Variants in ZNF558 observed in about 807,000 individuals in gnomAD.
ZNF558 encodes the protein zinc finger protein 558.
In ZNF558, 23 loss-of-function variants were observed where a neutral mutation model predicts 37.6. The observed-to-expected ratio is 0.61, with a 90% confidence interval of 0.44 to 0.87. ZNF558 has a LOEUF of 0.87. ZNF558 is among the 40% of genes least tolerant of loss of function. ZNF558 has a pLI of 0.00. For missense variants in ZNF558, 429 were observed against 483.7 expected, an observed-to-expected ratio of 0.89 and a Z score of 1.06; for synonymous variants, 189 against 174.4, an observed-to-expected ratio of 1.08 and a Z score of -0.66.
chr19:8,825,821 G>T (rs112635457), intron 2 of ZNF558, among the ~76,000 whole-genome samples: 135 of 152,216 alleles, frequency 8.9e-4, no homozygotes, highest in African/African-American at 3.1e-3. Context: ...CCCAAGAAAG[G>T]GGTCTGTGTT....
chr19:8,821,617 T>A, intron 6 of ZNF558: 1 of 1,338,320 alleles, frequency 7.5e-7, no homozygotes, highest in Non-Finnish European at 9.6e-7. Flanking sequence ...GGAGCTCCTG[T>A]GATCTTATTT....
chr19:8,828,898 C>T (rs1051634259), intron 2 of ZNF558, among the ~76,000 whole-genome samples: 9 of 149,590 alleles, frequency 6.0e-5, no homozygotes, highest in East Asian at 2.0e-4. Context: ...GGGAGGCAGA[C>T]GTTGCAGTGA....
intron 9 of ZNF558, 48 bp downstream of exon 9, chr19:8,812,513 G>T: frequency 7.6e-7 from 1 of 1,314,598 alleles, no homozygotes; most frequent in African/African-American, 1.5e-5. Flanking sequence ...CTAAACTTAA[G>T]GCATTCTCCT....
chr19:8,821,813 T>A lies in ZNF558; in HGVS notation c.120+190A>T, dbSNP rs1414218579. Reference sequence around the variant, plus strand: ...TGTACTCAGGGACCCTGGAGGGAGCTCTGAACCTGCAGTAAATGTTGACAC... The same window carrying A: ...TGTACTCAGGGACCCTGGAGGGAGCACTGAACCTGCAGTAAATGTTGACAC... On this transcript the variant is annotated intron_variant, in intron 6 of 9. Coordinates refer to ENST00000601372, the MANE Select transcript of ZNF558 (RefSeq NM_144693.3). The A allele has an allele frequency of 4.2e-6, 6 of 1,421,914 alleles. No homozygotes were observed. The African/African-American group carries it at 7.2e-5, about 17-fold the overall frequency. The allele number at this position is 1,421,914 out of a possible 1,614,324, so 88.1% of individuals were successfully genotyped here. A position where few individuals can be genotyped will look rare whatever the true frequency, so the allele number is the denominator to read the frequency against.
At chr19:8,827,039 A>G (rs1568476179) in intron 2 of ZNF558, among the ~76,000 whole-genome samples, 1 of 152,110 alleles carries the variant, frequency 6.6e-6, no homozygotes, top group African/African-American at 2.4e-5. Flanking sequence ...GGCCTCCAAG[A>G]AAAAAACAAG....
At position 8,822,513 on chromosome 19, in the gene ZNF558, C is replaced by A. The variant is rs892768969; in HGVS notation, c.31+116G>T. The A allele has an allele frequency of 3.1e-5, 45 of 1,458,302 alleles. No homozygotes were observed. Among genetic ancestry groups the A allele is most frequent in the Non-Finnish European group, 3.8e-5 (40 of 1,051,216 alleles). The allele number at this position is 1,458,302 out of a possible 1,614,324, so 90.3% of individuals were successfully genotyped here. ...CGATCAGACACGGAGGACCTCTGGG[C>A]CCCTGGGGCTCCACTCCTGCCTCAC... On this transcript the variant is annotated intron_variant, in intron 5 of 9. Transcript: ENST00000601372. This position sits in a 1 kb window ranked among gnomAD's most constrained non-coding sequence, Gnocchi z 4.4.
chr19:8,820,817 G>C (rs1220236023), intron 7 of ZNF558, among the ~76,000 whole-genome samples: 2 of 152,290 alleles, frequency 1.3e-5, no homozygotes, highest in African/African-American at 2.4e-5. Context: ...TGAAAAGTCA[G>C]ACACAAAAGG....
At chr19:8,831,850 C>T (rs892318337) in intron 1 of ZNF558, among the ~76,000 whole-genome samples, 2 of 152,110 alleles carry the variant, frequency 1.3e-5, no homozygotes, top group African/African-American at 4.8e-5. Flanking sequence ...TCCTGTACAA[C>T]GTAGGATCTT....
chr19:8,832,128 G>A (rs1254317540), intron 1 of ZNF558, 81 bp downstream of exon 1: 1 of 152,250 alleles, frequency 6.6e-6, no homozygotes, highest in African/African-American at 2.4e-5. Flanking sequence ...CTCCCTGGAG[G>A]GACGCAGGGC....
chr19:8,824,634 C>G (rs534475258), intron 3 of ZNF558, among the ~76,000 whole-genome samples: 1 of 152,158 alleles, frequency 6.6e-6, no homozygotes, highest in African/African-American at 2.4e-5. Flanking sequence ...CTCCTCCCAT[C>G]GCAGACAAGG....
At chr19:8,836,968 A>G (rs187240383), upstream of ZNF558, among the ~76,000 whole-genome samples, 5 of 152,366 alleles carry the variant, frequency 3.3e-5, no homozygotes, top group African/African-American at 1.2e-4. Context: ...GACAAAGGCT[A>G]TGAACCACAC....
At chr19:8,817,177 C>T (rs1301886192) in intron 7 of ZNF558, among the ~76,000 whole-genome samples, 1 of 152,068 alleles carries the variant, frequency 6.6e-6, no homozygotes, top group Admixed American at 6.5e-5. Context: ...GTAGCTCCTT[C>T]CTTATCAGTA....
intron 7 of ZNF558, among the ~76,000 whole-genome samples, chr19:8,814,916 A>T (rs2043893949): frequency 1.3e-5 from 2 of 152,254 alleles, no homozygotes; most frequent in Admixed American, 6.5e-5. Context: ...ACTTTAGAAC[A>T]CACAATAGTT....
At chr19:8,838,014 C>T in the ZNF558 span, among the ~76,000 whole-genome samples, 1 of 151,472 alleles carries the variant, frequency 6.6e-6, no homozygotes, top group African/African-American at 2.4e-5. Context: ...TTTGGGAGGC[C>T]GAGGCGGGCG....
Position 8,809,241 on chromosome 19 carries a change from G to A in ZNF558, c.*2040C>T, listed in dbSNP as rs1555766807. ...AAGCTCTTCAAACTCTAGACCTTGA[G>A]GCCACTTTCCAAGAGACAGAATGGG... On this transcript the variant is annotated 3_prime_UTR_variant, in exon 10 of 10. Coordinates refer to ENST00000601372, the MANE Select transcript of ZNF558 (RefSeq NM_144693.3). The A allele has an allele frequency of 1.3e-5, 2 of 152,164 alleles. No individual in the cohort carries two copies. The highest frequency in any genetic ancestry group is 2.9e-5 in the Non-Finnish European group (2 of 68,030). 9.4% of individuals were successfully genotyped at this position (152,164 alleles called of 1,614,324 possible).
At chr19:8,825,625 C>T (rs1443906398) in intron 2 of ZNF558, among the ~76,000 whole-genome samples, 1 of 152,194 alleles carries the variant, frequency 6.6e-6, no homozygotes, top group African/African-American at 2.4e-5. Context: ...AAGCCAGCTT[C>T]TGGAGGTTTC....
intron 7 of ZNF558, among the ~76,000 whole-genome samples, chr19:8,813,762 C>T (rs1042556802): frequency 1.3e-4 from 20 of 152,308 alleles, no homozygotes; most frequent in African/African-American, 4.8e-4. Flanking sequence ...GCATAAACAG[C>T]CCCAGAAGGC....
At chr19:8,823,629 T>A (rs1363937650) in intron 4 of ZNF558, 1 of 118,502 alleles carries the variant, frequency 8.4e-6, no homozygotes, top group Non-Finnish European at 1.8e-5. Flanking sequence ...CTCCTACCTA[T>A]GCTCTGCCTT....
intron 1 of ZNF558, among the ~76,000 whole-genome samples, chr19:8,831,833 G>A (rs887149785): frequency 6.6e-6 from 1 of 152,124 alleles, no homozygotes; most frequent in African/African-American, 2.4e-5. Flanking sequence ...TTTGTTGTGG[G>A]GGACTGTCCT....
Sources: gnomAD v4.1 joint callset for allele counts (sites outside exome capture counted in the v4.1 genomes callset) on GRCh38, gnomAD v4.1.1 for gene constraint, Gnocchi (gnomAD v3.1) non-coding constraint, MANE v1.5 for transcripts, NCBI Gene and HGNC (gene_info 2026-07-23, HGNC 2026-07-21) for gene names.